The following COL5A1 variants were observed in gnomAD, a reference collection of about 807,000 sequenced individuals.
COL5A1 encodes the protein collagen alpha-1(V) chain.
COL5A1 carries 16 observed loss-of-function variants against 263.7 expected under a neutral mutation model. The observed-to-expected ratio is 0.06, with a 90% CI of 0.04 to 0.09. The LOEUF (loss-of-function observed/expected upper bound fraction) is 0.09. Among genes scored for constraint, COL5A1 ranks in the 10% least tolerant of loss-of-function variants. The pLI is 1.00. For synonymous variants in COL5A1, 1,012 were observed against 1,004.5 expected, an observed-to-expected ratio of 1.01 and a Z score of -0.14; for missense variants, 2,036 against 2,540.5, an observed-to-expected ratio of 0.80 and a Z score of 4.27.
chr9:134,748,024 T>TG (rs1323076717), intron 11 of COL5A1, among the ~76,000 whole-genome samples: 1 of 106,082 alleles, frequency 9.4e-6, no homozygotes, highest in African/African-American at 3.6e-5. Flanking sequence ...CACACATGCA[T>TG]TCATACACAT....
In COL5A1 at chr9:134,818,155, C is replaced by G. The variant is rs1838837758; in HGVS notation, c.4230+324C>G. ...CCTCATGCCTGGTCTTTGAGTCGGC[C>G]AGACCTGAGCCGCCTACCTCTGAAG... is the stretch of plus-strand genomic sequence containing the variant. On this transcript the variant is annotated intron_variant, in intron 54 of 65. Coordinates refer to ENST00000371817, the MANE Select transcript of COL5A1 (RefSeq NM_000093.5). The surrounding 1 kb of genome is among the most constrained non-coding windows in gnomAD (Gnocchi z 6.0). Among the ~76,000 whole-genome samples the G allele has an allele frequency of 6.6e-6, 1 of 152,226 alleles. No homozygotes were observed. Among genetic ancestry groups the G allele is most frequent in the Non-Finnish European group, 1.5e-5 (1 of 68,034 alleles).
At chr9:134,826,654 C>CTGGTGTGTGGGGGTGTGGG (rs778708306) in intron 63 of COL5A1, among the ~76,000 whole-genome samples, 3 of 146,782 alleles carry the variant, frequency 2.0e-5, no homozygotes, top group African/African-American at 7.8e-5. Context: ...GTGCATGTGG[C>CTGGTGTGTGGGGGTGTGGG]TGGTGGATGG....
chr9:134,825,688 G>A (rs1002895372), intron 62 of COL5A1, 104 bp from the exon 63 acceptor site: 17 of 731,298 alleles, frequency 2.3e-5, no homozygotes, highest in African/African-American at 5.2e-5. Context: ...TTCCTGGGGC[G>A]TGCATTTTAA....
chr9:134,808,641 C>A (rs1417865803), intron 42 of COL5A1, among the ~76,000 whole-genome samples: 1 of 152,192 alleles, frequency 6.6e-6, no homozygotes, highest in Non-Finnish European at 1.5e-5. Flanking sequence ...CATGTGCATG[C>A]ATGCATACCT....
At chr9:134,810,526 G>A (rs2132842061) in intron 44 of COL5A1, 2 of 570,084 alleles carry the variant, frequency 3.5e-6, no homozygotes, top group Non-Finnish European at 6.2e-6. Flanking sequence ...TGAACAGGAA[G>A]CATCCACCGG....
intron 4 of COL5A1, among the ~76,000 whole-genome samples, chr9:134,720,909 C>CGG (rs1834426259): frequency 2.0e-5 from 3 of 152,158 alleles, no homozygotes; most frequent in African/African-American, 7.2e-5. Flanking sequence ...TCCACAGCTG[C>CGG]CTTCAAGGTC....
intron 1 of COL5A1, among the ~76,000 whole-genome samples, chr9:134,644,759 G>T (rs1347520603): frequency 6.6e-6 from 1 of 152,202 alleles, no homozygotes; most frequent in African/African-American, 2.4e-5. Flanking sequence ...TAACGGGGAA[G>T]GAGAGTATGG....
chr9:134,651,210 C>T (rs1280055443), intron 1 of COL5A1, among the ~76,000 whole-genome samples: 1 of 152,214 alleles, frequency 6.6e-6, no homozygotes, highest in Non-Finnish European at 1.5e-5. Flanking sequence ...GCCTGGGCAC[C>T]ATCTGGTGGC....
chr9:134,752,517 C>T (rs369631330), intron 13 of COL5A1, 72 bp from the exon 14 acceptor site: 50 of 1,187,658 alleles, frequency 4.2e-5, no homozygotes, highest in Middle Eastern at 1.9e-4. Flanking sequence ...CCACATCTCA[C>T]GGCTCAGGCG....
At position 134,814,050 on chromosome 9, in the gene COL5A1, C is replaced by T. The variant is rs377136680; in HGVS notation, c.3906+14C>T. 87 of 1,550,306 alleles carry T rather than the reference C, an allele frequency of 5.6e-5. 1 individual carries two copies. The highest frequency in any genetic ancestry group is 3.3e-4 in the Middle Eastern group (2 of 6,004). On this transcript the variant is annotated intron_variant, in intron 49 of 65. Coordinates refer to ENST00000371817, the MANE Select transcript of COL5A1 (RefSeq NM_000093.5). The stretch of plus-strand genomic sequence containing the variant: ...GGCGGCCCCCCGGTGAGTGAGCGGG[C>T]GCTGCGGGAGGGGTGGGATATGGCC...
At chr9:134,785,848 G>C (rs951209930) in intron 30 of COL5A1, 147 bp from the exon 31 acceptor site, 15 of 738,746 alleles carry the variant, frequency 2.0e-5, no homozygotes, top group Non-Finnish European at 3.4e-5. Context: ...GGCAGGCAGG[G>C]CTTCTGCATA....
At chr9:134,839,047 C>T (rs538483152) in intron 65 of COL5A1, among the ~76,000 whole-genome samples, 9 of 152,362 alleles carry the variant, frequency 5.9e-5, no homozygotes, top group East Asian at 3.9e-4. Flanking sequence ...GCCCCGAACT[C>T]GGGCCAGCGG....
At position 134,796,371 on chromosome 9, in the gene COL5A1, A is replaced by G. The variant is rs1393075642; in HGVS notation, c.2800-3A>G. On this transcript the variant is annotated splice_polypyrimidine_tract_variant and splice_region_variant and intron_variant, in intron 34 of 65. Transcript: ENST00000371817. ...CTTTTCCCCCCTCTCCTTCCCTCTC[A>G]AGGGCAACTCCGGAGGTGACGGCCC... 6.2e-7 allele frequency: 1 copy of G among 1,613,986 alleles called. No homozygotes were observed. Among genetic ancestry groups the G allele is most frequent in the South Asian group, 1.1e-5 (1 of 91,072 alleles).
intron 42 of COL5A1, among the ~76,000 whole-genome samples, chr9:134,808,097 C>G (rs1365197322): frequency 1.3e-5 from 2 of 152,164 alleles, no homozygotes; most frequent in African/African-American, 4.8e-5. Flanking sequence ...GTAGACATTT[C>G]TATGAATAGG....
At chr9:134,745,649 T>C (rs190353854) in intron 11 of COL5A1, among the ~76,000 whole-genome samples, 1 of 152,282 alleles carries the variant, frequency 6.6e-6, no homozygotes, top group East Asian at 1.9e-4. Context: ...GTCTAGCTCT[T>C]GGAAGGGGCT....
chr9:134,763,641 T>C, intron 19 of COL5A1, 52 bp from the exon 20 acceptor site: 1 of 1,576,678 alleles, frequency 6.3e-7, no homozygotes, highest in Non-Finnish European at 8.7e-7. Context: ...GGGAAGCTGG[T>C]GTCCAGGCTA....
At chr9:134,663,713 T>C (rs898521876) in intron 1 of COL5A1, among the ~76,000 whole-genome samples, 3 of 152,228 alleles carry the variant, frequency 2.0e-5, no homozygotes, top group Non-Finnish European at 4.4e-5. Context: ...GGGGAACGCC[T>C]AGACCATCCC....
chr9:134,831,066 G>A (rs1196066602), intron 64 of COL5A1, among the ~76,000 whole-genome samples: 2 of 152,158 alleles, frequency 1.3e-5, no homozygotes, highest in Non-Finnish European at 2.9e-5. Context: ...CTCAAAGGAG[G>A]GCCTTGCTCT....
chr9:134,737,082 A>G (rs991942797), intron 9 of COL5A1, among the ~76,000 whole-genome samples: 2 of 152,298 alleles, frequency 1.3e-5, no homozygotes, highest in East Asian at 1.9e-4. Context: ...TGGGGTCTCA[A>G]TGGTGCCTCC....
Sources: gnomAD v4.1 joint callset for allele counts (sites outside exome capture counted in the v4.1 genomes callset) on GRCh38, gnomAD v4.1.1 for gene constraint, Gnocchi (gnomAD v3.1) non-coding constraint, MANE v1.5 for transcripts, NCBI Gene and HGNC (gene_info 2026-07-23, HGNC 2026-07-21) for gene names.